The following MCUB variants were observed in gnomAD, a reference collection of about 807,000 sequenced individuals.
The protein encoded by MCUB is calcium uniporter regulatory subunit MCUb, mitochondrial.
Under a neutral mutation model 41.4 loss-of-function variants are expected in MCUB, and 46 were observed. The observed-to-expected ratio is 1.11, with a 90% CI of 0.88 to 1.42. MCUB has a LOEUF of 1.42. MCUB is among the 40% of genes most tolerant of loss of function. The probability of loss-of-function intolerance (pLI) is 0.00; values close to 1 mark genes in which losing one functional copy is unlikely to be tolerated. For synonymous variants in MCUB, 148 were observed against 148.2 expected, an observed-to-expected ratio of 1.00 and a Z score of 0.01; for missense variants, 403 against 404.9, an observed-to-expected ratio of 1.00 and a Z score of 0.04.
chr4:109,678,251 T>C (rs1381984974), intron 4 of MCUB, among the ~76,000 whole-genome samples: 3 of 152,106 alleles, frequency 2.0e-5, no homozygotes, highest in African/African-American at 7.2e-5. Flanking sequence ...TGATCTCTCT[T>C]TCTTTTCCCC....
At chr4:109,582,414 T>C (rs1287647791) in intron 1 of MCUB, among the ~76,000 whole-genome samples, 1 of 146,894 alleles carries the variant, frequency 6.8e-6, no homozygotes, top group Non-Finnish European at 1.5e-5. Context: ...CATTAGGAGA[T>C]ATACCTAATG....
In MCUB at chr4:109,587,577, A is replaced by G. The variant is rs186459428; in HGVS notation, c.99+27141A>G. Among the ~76,000 whole-genome samples, 5 of 152,306 alleles carry G rather than the reference A, an allele frequency of 3.3e-5. No individual in the cohort carries two copies. In the East Asian group the frequency reaches 7.7e-4, roughly 24 times the overall value. On this transcript the variant is annotated intron_variant, in intron 1 of 7. Transcript: ENST00000394650. ...GGAGCTGCAGACTGGAGCTGTTCCT[A>G]TTCGTCCATCTTGGAACGGAAATCC...
intron 1 of MCUB, among the ~76,000 whole-genome samples, chr4:109,646,929 A>G (rs1411240506): frequency 6.6e-6 from 1 of 152,240 alleles, no homozygotes; most frequent in Non-Finnish European, 1.5e-5. Flanking sequence ...CTATCAAAAA[A>G]ATAACTCAGC....
chr4:109,619,552 C>T lies in MCUB; in HGVS notation c.100-39459C>T, dbSNP rs746875308. On this transcript the variant is annotated intron_variant, in intron 1 of 7. Transcript: ENST00000394650. Reference sequence around the variant, plus strand: ...GAAACACCCATCTCTACTAAAAATACAAAATTTAGCAGGGCATGGTGGCGC... The same window carrying T: ...GAAACACCCATCTCTACTAAAAATATAAAATTTAGCAGGGCATGGTGGCGC... Among the ~76,000 whole-genome samples, 69 of 151,984 alleles carry T rather than the reference C, an allele frequency of 4.5e-4. 1 individual carries two copies. Among genetic ancestry groups the T allele is most frequent in the Non-Finnish European group, 3.2e-4 (22 of 67,992 alleles).
intron 1 of MCUB, among the ~76,000 whole-genome samples, chr4:109,597,190 C>G (rs1344053356): frequency 6.6e-6 from 1 of 152,124 alleles, no homozygotes; most frequent in South Asian, 2.1e-4. Context: ...CCTTTCCCCC[C>G]TTTCTATTCC....
At chr4:109,597,210 C>T (rs1427917499) in intron 1 of MCUB, among the ~76,000 whole-genome samples, 2 of 152,270 alleles carry the variant, frequency 1.3e-5, no homozygotes, top group African/African-American at 4.8e-5. Flanking sequence ...CACAAAGCTG[C>T]GATTGTCATC....
rs575848388 is a variant in MCUB, at chr4:109,688,207, G to GTTAAC, written c.*618_*622dup. 6.6e-6 allele frequency: 1 copy of GTTAAC among 152,194 alleles called. No individual in the cohort carries two copies. The highest frequency in any genetic ancestry group is 2.1e-4 in the South Asian group (1 of 4,824). The allele number at this position is 152,194 out of a possible 1,614,324, so 9.4% of individuals were successfully genotyped here. A position where few individuals can be genotyped will look rare whatever the true frequency, so the allele number is the denominator to read the frequency against. On this transcript the variant is annotated 3_prime_UTR_variant, in exon 8 of 8. Transcript: ENST00000394650. ...AGTTTCAGGTATCGAAGCCAAAACA[G>GTTAAC]TTAACTTTCTTCAGCCTCTGGCAGA...
chr4:109,657,218 CAAAAAAAAAAA>C (rs56707630), intron 1 of MCUB, among the ~76,000 whole-genome samples: 2 of 111,410 alleles, frequency 1.8e-5, no homozygotes, highest in African/African-American at 3.4e-5. Flanking sequence ...TATTCCATCT[CAAAAAAAAAAA>C]AAAAAAAAAA....
chr4:109,670,468 A>G (rs931000890), intron 4 of MCUB, among the ~76,000 whole-genome samples: 10 of 152,186 alleles, frequency 6.6e-5, no homozygotes, highest in African/African-American at 2.2e-4. Flanking sequence ...CTTTAATCCC[A>G]GCACTTTGAG....
intron 1 of MCUB, among the ~76,000 whole-genome samples, chr4:109,570,180 C>T (rs1039829507): frequency 6.6e-6 from 1 of 152,118 alleles, no homozygotes; most frequent in Non-Finnish European, 1.5e-5. Flanking sequence ...TCATTTGGTA[C>T]TTCTGTACTC....
At chr4:109,586,996 T>C (rs1727322135) in intron 1 of MCUB, among the ~76,000 whole-genome samples, 1 of 152,224 alleles carries the variant, frequency 6.6e-6, no homozygotes, top group Non-Finnish European at 1.5e-5. Context: ...TTCAGAGCTG[T>C]CAGAGAGGGA....
At chr4:109,681,288 G>T in intron 4 of MCUB, 1 of 279,512 alleles carries the variant, frequency 3.6e-6, no homozygotes. Flanking sequence ...TGAGTCTCTG[G>T]GGTCAGCAAA....
chr4:109,599,837 T>C (rs1174974439), intron 1 of MCUB, among the ~76,000 whole-genome samples: 1 of 151,862 alleles, frequency 6.6e-6, no homozygotes, highest in Non-Finnish European at 1.5e-5. Context: ...GCCAGCTAAT[T>C]TTCTGTATTT....
intron 1 of MCUB, among the ~76,000 whole-genome samples, chr4:109,584,737 T>C (rs1466062767): frequency 6.6e-6 from 1 of 152,238 alleles, no homozygotes; most frequent in Non-Finnish European, 1.5e-5. Context: ...GAGCACGTTG[T>C]TCAGTTTCCA....
chr4:109,570,834 A>G (rs193253713), intron 1 of MCUB, among the ~76,000 whole-genome samples: 1 of 152,362 alleles, frequency 6.6e-6, no homozygotes, highest in Non-Finnish European at 1.5e-5. Flanking sequence ...GATACAATGG[A>G]AAAACAGGAG....
At chr4:109,652,782 AT>A (rs1728989756) in intron 1 of MCUB, among the ~76,000 whole-genome samples, 1 of 152,104 alleles carries the variant, frequency 6.6e-6, no homozygotes, top group East Asian at 1.9e-4. Flanking sequence ...GCCTGAAGTA[AT>A]TTTCCTGAGC....
At chr4:109,615,469 G>A (rs1159983468) in intron 1 of MCUB, among the ~76,000 whole-genome samples, 2 of 150,348 alleles carry the variant, frequency 1.3e-5, no homozygotes, top group Non-Finnish European at 3.0e-5. Flanking sequence ...GCAGTGGTGC[G>A]ATCTCGGCTC....
At chr4:109,657,678 C>G (rs988150631) in intron 1 of MCUB, among the ~76,000 whole-genome samples, 16 of 152,182 alleles carry the variant, frequency 1.1e-4, no homozygotes, top group Non-Finnish European at 2.1e-4. Flanking sequence ...TTCCCCAATG[C>G]CTGTTCTTTC....
intron 4 of MCUB, among the ~76,000 whole-genome samples, chr4:109,665,532 C>T (rs1053168737): frequency 6.6e-6 from 1 of 152,136 alleles, no homozygotes; most frequent in African/African-American, 2.4e-5. Flanking sequence ...GGCCCTGATA[C>T]AAAATGTTTG....
Sources: allele counts gnomAD v4.1 joint callset (sites outside exome capture counted in the v4.1 genomes callset), GRCh38; gene constraint gnomAD v4.1.1; transcripts MANE v1.5; gene names NCBI Gene and HGNC (gene_info 2026-07-23, HGNC 2026-07-21).